VWA2: variants seen among roughly 807,000 people sequenced by gnomAD.
The protein encoded by VWA2 is von Willebrand factor A domain containing 2.
Under a neutral mutation model 70.4 loss-of-function variants are expected in VWA2, and 73 were observed. That is an observed-to-expected ratio of 1.04 (90% CI 0.86 to 1.26). The LOEUF is 1.26. Ranked by LOEUF, VWA2 falls within the 50% of genes most tolerant of loss-of-function variation. VWA2 has a pLI of 0.00. For synonymous variants in VWA2, 407 were observed against 423.3 expected (o/e 0.96, Z 0.47); for missense variants, 1,011 against 998.5 (o/e 1.01, Z -0.17).
chr10:114,253,892 T>C (rs541471476), intron 3 of VWA2, among the ~76,000 whole-genome samples, 167 bp downstream of exon 3: 1 of 151,872 alleles, frequency 6.6e-6, no homozygotes, highest in African/African-American at 2.4e-5. Flanking sequence ...AATCACTTGG[T>C]TTAAAAACAA....
rs751852679 is a variant in VWA2 at position 114,282,487 on chromosome 10, GTC to G, written c.834-27_834-26del. The G allele has an allele frequency of 2.5e-6, 4 of 1,603,082 alleles. No individual in the cohort carries two copies. In the Admixed American group the frequency reaches 5.0e-5, roughly 20 times the overall value. ...TGCCCTCCCCTTACACCTCTGATCTGTCTATAATTCTGTTTCCTTGGATTGTA... is the reference window on the plus strand; with the variant it reads ...TGCCCTCCCCTTACACCTCTGATCTGTATAATTCTGTTTCCTTGGATTGTA... On this transcript the variant is annotated intron_variant, in intron 8 of 13. Transcript: ENST00000392982.
chr10:114,281,678 T>G, intron 8 of VWA2: 5 of 961,924 alleles, frequency 5.2e-6, no homozygotes, highest in Non-Finnish European at 6.2e-6. Flanking sequence ...GTGGACCAGA[T>G]AGTAGCAGCA....
chr10:114,281,687 C>T, intron 8 of VWA2: 1 of 976,320 alleles, frequency 1.0e-6, no homozygotes, highest in African/African-American at 1.7e-5. Context: ...ATAGTAGCAG[C>T]ACACCTGGGG....
intron 11 of VWA2, among the ~76,000 whole-genome samples, chr10:114,287,594 T>C (rs2039064474): frequency 6.6e-6 from 1 of 152,170 alleles, no homozygotes; most frequent in Admixed American, 6.5e-5. Context: ...CTTTCCCTCC[T>C]GTAAGGCGGA....
intron 1 of VWA2, chr10:114,246,627 C>T: frequency 6.7e-7 from 1 of 1,503,058 alleles, no homozygotes; most frequent in Non-Finnish European, 9.3e-7. Context: ...GGCCAATGCT[C>T]AGAGAAGTAC....
At chr10:114,251,393 A>G (rs2037193234) in intron 2 of VWA2, among the ~76,000 whole-genome samples, 1 of 152,246 alleles carries the variant, frequency 6.6e-6, no homozygotes, top group Non-Finnish European at 1.5e-5. Context: ...CACAGGGCAC[A>G]GAGGCACAGT....
chr10:114,286,486 G>A lies in VWA2; in HGVS notation c.1545G>A (p.Gly515=). Residue 515 remains glycine, a synonymous_variant, in exon 11 of 14, where the codon GGG becomes GGA. Transcript: ENST00000392982. ...TCAACCAAATCCCTGAGCTGCAGGG[G>A]AAGCTGTGCAGCCGGCAGCGGCCAG... is the stretch of plus-strand genomic sequence containing the variant. The part of the protein sequence containing the change: ...DLFNQIPELQ[G]KLCSRQRPGC... The A allele has an allele frequency of 6.3e-7, 1 of 1,587,140 alleles. No homozygotes were observed. The highest frequency in any genetic ancestry group is 8.6e-7 in the Non-Finnish European group (1 of 1,162,852).
At chr10:114,277,153 T>A (rs1201690273) in intron 6 of VWA2, among the ~76,000 whole-genome samples, 1 of 148,644 alleles carries the variant, frequency 6.7e-6, no homozygotes, top group East Asian at 2.0e-4. Flanking sequence ...TCTAGATACA[T>A]TACTGACTGC....
intron 6 of VWA2, among the ~76,000 whole-genome samples, chr10:114,274,129 C>T (rs573898702): frequency 6.6e-6 from 1 of 152,266 alleles, no homozygotes; most frequent in African/African-American, 2.4e-5. Context: ...AAGGAACAGC[C>T]AGACGGCCAG....
chr10:114,264,316 T>C (rs891028267), intron 5 of VWA2, among the ~76,000 whole-genome samples: 2 of 152,200 alleles, frequency 1.3e-5, no homozygotes, highest in African/African-American at 4.8e-5. Context: ...ACTGTAAGAA[T>C]GAACAAAATA....
At position 114,286,082 on chromosome 10, in the gene VWA2, C is replaced by T. The variant is rs766978313; in HGVS notation, c.1141C>T (p.Arg381Ter). The change falls in exon 11 of 14, where the codon CGA becomes TGA. Residue 381 changes from arginine to a stop codon, truncating the protein, a stop_gained. Coordinates refer to ENST00000392982, the MANE Select transcript of VWA2 (RefSeq NM_001272046.2). LOFTEE classifies it high-confidence loss of function. ...CGTGCTGAGCGAGGACTCTCGGGCC[C>T]GAGTGGGTGTGGCCACATACAGCAG... ...RAVLSEDSRARVGVATYSREL... is the reference protein window; with the variant it reads ...RAVLSEDSRA The T allele has an allele frequency of 1.4e-5, 23 of 1,614,006 alleles. No individual in the cohort carries two copies. The highest frequency in any genetic ancestry group is 3.3e-5 in the South Asian group (3 of 91,084).
chr10:114,248,841 T>C (rs1347002932), intron 2 of VWA2, 76 bp downstream of exon 2: 1 of 1,369,918 alleles, frequency 7.3e-7, no homozygotes, highest in Admixed American at 1.7e-5. Flanking sequence ...ATCCTGTTGA[T>C]TTTCAATTCT....
At chr10:114,254,851 A>G in intron 3 of VWA2, 64 bp from the exon 4 acceptor site, 1 of 1,584,812 alleles carries the variant, frequency 6.3e-7, no homozygotes, top group Non-Finnish European at 8.6e-7. Context: ...TTGTGCCTTC[A>G]CTCTGCTTCA....
At chr10:114,270,305 G>T (rs893150745) in intron 5 of VWA2, among the ~76,000 whole-genome samples, 2 of 152,138 alleles carry the variant, frequency 1.3e-5, no homozygotes, top group Admixed American at 6.5e-5. Context: ...ACTCATGAGC[G>T]GCATAACCTT....
intron 5 of VWA2, among the ~76,000 whole-genome samples, chr10:114,269,000 C>A (rs2037642572): frequency 6.7e-6 from 1 of 149,700 alleles, no homozygotes; most frequent in Non-Finnish European, 1.5e-5. Flanking sequence ...GCGTGAGCCA[C>A]CGCGCCCGGC....
chr10:114,277,560 ACAT>A (rs1284447681), intron 6 of VWA2, among the ~76,000 whole-genome samples: 2 of 152,094 alleles, frequency 1.3e-5, no homozygotes, highest in African/African-American at 4.8e-5. Context: ...CACCATCTGT[ACAT>A]CATTTTCCTC....
chr10:114,279,897 T>C (rs1359927851), intron 8 of VWA2, among the ~76,000 whole-genome samples: 1 of 152,174 alleles, frequency 6.6e-6, no homozygotes. Context: ...AAGGGGCTGC[T>C]CGAGCAGTTT....
chr10:114,239,800 C>A (rs547769365), intron 1 of VWA2, among the ~76,000 whole-genome samples: 44 of 152,298 alleles, frequency 2.9e-4, no homozygotes, highest in Non-Finnish European at 1.8e-4. Flanking sequence ...ACCTGGCGCG[C>A]GCCTCCCTCG....
At chr10:114,255,940 A>G (rs956585254) in intron 4 of VWA2, among the ~76,000 whole-genome samples, 1 of 152,210 alleles carries the variant, frequency 6.6e-6, no homozygotes, top group African/African-American at 2.4e-5. Context: ...GGTTAGCAAA[A>G]AAAATCCTAA....
Sources: allele counts gnomAD v4.1 joint callset (sites outside exome capture counted in the v4.1 genomes callset), GRCh38; gene constraint gnomAD v4.1.1; transcripts MANE v1.5; gene names NCBI Gene and HGNC (gene_info 2026-07-23, HGNC 2026-07-21).